The following AHI1 variants were observed in gnomAD, a reference collection of about 807,000 sequenced individuals.
AHI1 encodes the protein jouberin.
In AHI1, 123 loss-of-function variants were observed where a neutral mutation model predicts 149.3. The observed-to-expected ratio is 0.82, with a 90% CI of 0.71 to 0.96. AHI1 has a LOEUF of 0.96. Among genes scored for constraint, AHI1 ranks in the 40% least tolerant of loss-of-function variants. The pLI, the probability that AHI1 is intolerant of heterozygous loss-of-function variation, is 0.00. For synonymous variants in AHI1, 475 were observed against 459.8 expected (o/e 1.03, Z -0.42); for missense variants, 1,439 against 1,422.7 (o/e 1.01, Z -0.18).
At chr6:135,432,239 C>T (rs1784768272) in intron 16 of AHI1, among the ~76,000 whole-genome samples, 2 of 152,064 alleles carry the variant, frequency 1.3e-5, no homozygotes, top group African/African-American at 4.8e-5. Context: ...ATAGCGCTAG[C>T]CTACATGCCC....
At chr6:135,490,595 C>A (rs1328922871) in intron 5 of AHI1, 28 bp downstream of exon 5, 2 of 1,612,558 alleles carry the variant, frequency 1.2e-6, no homozygotes, top group Admixed American at 3.3e-5. Context: ...ATATGTAAAT[C>A]ACTATTACCC....
At chr6:135,450,391 T>C (rs977775394) in intron 11 of AHI1, among the ~76,000 whole-genome samples, 9 of 152,098 alleles carry the variant, frequency 5.9e-5, no homozygotes, top group African/African-American at 2.2e-4. Flanking sequence ...GAATGATGCA[T>C]CAACAAGGAA....
rs777127548 is a variant in AHI1, at chr6:135,427,298, A to G, written c.2633T>C (p.Val878Ala). 6.2e-7 allele frequency: 1 copy of G among 1,608,646 alleles called. No homozygotes were observed. Among genetic ancestry groups the G allele is most frequent in the South Asian group, 1.1e-5 (1 of 90,510 alleles). Residue 878 changes from valine (V) to alanine (A), a missense_variant, in exon 20 of 29, where the codon GTA becomes GCA. Val to Ala is a moderately conservative substitution (Grantham distance 64). Transcript: ENST00000265602. ...GAATGGCAAGTCAGAATACATGGCT[A>G]CTTGTTCTCCTAAATAAAAAGAGAG... The part of the protein sequence containing the change: ...YVWNPETGEQ[V>A]AMYSDLPFKS...
chr6:135,460,207 T>C (rs1789652489), intron 8 of AHI1, among the ~76,000 whole-genome samples: 1 of 152,058 alleles, frequency 6.6e-6, no homozygotes, highest in Non-Finnish European at 1.5e-5. Flanking sequence ...AAATAAACTC[T>C]TGCAATAAGT....
chr6:135,356,947 T>TATTTATTTTTGA (rs1336143579), intron 24 of AHI1, among the ~76,000 whole-genome samples: 2 of 152,228 alleles, frequency 1.3e-5, no homozygotes, highest in African/African-American at 2.4e-5. Flanking sequence ...TACCTTTATT[T>TATTTATTTTTGA]ATTTATTTTT....
intron 23 of AHI1, among the ~76,000 whole-genome samples, chr6:135,361,645 T>TCACACACACACACACA (rs57786531): frequency 3.7e-5 from 5 of 133,810 alleles, no homozygotes; most frequent in Non-Finnish European, 8.0e-5. Context: ...AGGTATGGTT[T>TCACACACACACACACA]CACACACACA....
At chr6:135,345,921 T>C (rs942914067) in intron 24 of AHI1, among the ~76,000 whole-genome samples, 14 of 152,112 alleles carry the variant, frequency 9.2e-5, no homozygotes, top group Non-Finnish European at 1.3e-4. Flanking sequence ...AAAATACACG[T>C]AAGGAGACCA....
At chr6:135,455,649 AC>A in intron 10 of AHI1, 84 bp downstream of exon 10, 1 of 1,078,480 alleles carries the variant, frequency 9.3e-7, no homozygotes, top group Admixed American at 3.4e-5. Context: ...TTTTTGCCTT[AC>A]TGGACTACTA....
At position 135,286,164 on chromosome 6, in the gene AHI1, G is replaced by A. The variant is rs564500808; in HGVS notation, c.3589-517C>T. ...ATTTTTCAAATCAATTAAAAAATGG[G>A]CTGTCTCATTTTTGACCAAGATAGT... On this transcript the variant is annotated intron_variant, in intron 28 of 28. Coordinates refer to ENST00000265602, the MANE Select transcript of AHI1 (RefSeq NM_001134831.2). Among the ~76,000 whole-genome samples the A allele has an allele frequency of 1.2e-3, 176 of 152,272 alleles. 1 individual carries two copies. Among genetic ancestry groups the A allele is most frequent in the African/African-American group, 3.9e-3 (163 of 41,540 alleles).
intron 22 of AHI1, among the ~76,000 whole-genome samples, chr6:135,396,221 ATATCACCCAGC>A (rs1779193029): frequency 6.6e-6 from 1 of 151,824 alleles, no homozygotes; most frequent in Non-Finnish European, 1.5e-5. Context: ...CAGTCCTAAA[ATATCACCCAGC>A]TTTAAAAATT....
intron 23 of AHI1, among the ~76,000 whole-genome samples, chr6:135,384,064 G>C (rs974630878): frequency 2.0e-5 from 3 of 151,820 alleles, no homozygotes; most frequent in African/African-American, 7.2e-5. Context: ...AACCTTTCAA[G>C]TCTTCTACTT....
chr6:135,409,528 G>A (rs918795705), intron 21 of AHI1, among the ~76,000 whole-genome samples: 2 of 152,080 alleles, frequency 1.3e-5, no homozygotes, highest in Non-Finnish European at 2.9e-5. Context: ...TAGTTAACAA[G>A]GTTTCCCAAC....
At chr6:135,477,507 C>G (rs1246410050) in intron 5 of AHI1, among the ~76,000 whole-genome samples, 1 of 152,140 alleles carries the variant, frequency 6.6e-6, no homozygotes, top group African/African-American at 2.4e-5. Context: ...TGTCTCCACC[C>G]AAATCTCATG....
intron 20 of AHI1, among the ~76,000 whole-genome samples, chr6:135,418,712 T>C (rs1171073959): frequency 6.6e-6 from 1 of 151,892 alleles, no homozygotes; most frequent in Non-Finnish European, 1.5e-5. Flanking sequence ...AACAATAAGG[T>C]TCCCCTTTGG....
chr6:135,328,113 A>C (rs1787980223), intron 24 of AHI1, among the ~76,000 whole-genome samples: 1 of 152,172 alleles, frequency 6.6e-6, no homozygotes, highest in South Asian at 2.1e-4. Flanking sequence ...AGTCTTGGGG[A>C]CTGAGCCCTC....
At chr6:135,386,603 C>T (rs1777626708) in intron 23 of AHI1, among the ~76,000 whole-genome samples, 1 of 151,848 alleles carries the variant, frequency 6.6e-6, no homozygotes, top group African/African-American at 2.4e-5. Flanking sequence ...AGCCACCGTG[C>T]CTGGCCTAGA....
chr6:135,337,737 C>T (rs141992431), intron 24 of AHI1, among the ~76,000 whole-genome samples: 1 of 145,974 alleles, frequency 6.9e-6, no homozygotes, highest in East Asian at 2.0e-4. Flanking sequence ...TGCACTCCAG[C>T]CTGGGTTACA....
chr6:135,300,877 G>T, intron 26 of AHI1: 1 of 1,030,852 alleles, frequency 9.7e-7, no homozygotes, highest in Non-Finnish European at 1.2e-6. Flanking sequence ...ATACAATGTG[G>T]TATATTACTT....
intron 21 of AHI1, among the ~76,000 whole-genome samples, chr6:135,406,416 C>G (rs564496167): frequency 6.6e-6 from 1 of 152,288 alleles, no homozygotes; most frequent in Non-Finnish European, 1.5e-5. Context: ...CCAGTGCTTA[C>G]TACTTGTGTG....
Sources: gnomAD v4.1 joint callset for allele counts (sites outside exome capture counted in the v4.1 genomes callset) on GRCh38, gnomAD v4.1.1 for gene constraint, MANE v1.5 for transcripts, NCBI Gene and HGNC (gene_info 2026-07-23, HGNC 2026-07-21) for gene names.